Variants in CLSTN2 observed in about 807,000 individuals in gnomAD.
CLSTN2 encodes calsyntenin-2.
CLSTN2 carries 48 observed loss-of-function variants against 101.2 expected under a neutral mutation model. That is an observed-to-expected ratio of 0.47 (90% CI 0.38 to 0.60). The LOEUF (loss-of-function observed/expected upper bound fraction) is 0.60. Among genes scored for constraint, CLSTN2 ranks in the 20% least tolerant of loss-of-function variants. The pLI, the probability that CLSTN2 is intolerant of heterozygous loss-of-function variation, is 0.00. For missense variants in CLSTN2, 1,160 were observed against 1,238.2 expected, an observed-to-expected ratio of 0.94 and a Z score of 0.95; for synonymous variants, 481 against 463.6, an observed-to-expected ratio of 1.04 and a Z score of -0.48.
chr3:140,343,200 C>A (rs2087508753), intron 2 of CLSTN2, among the ~76,000 whole-genome samples: 2 of 152,192 alleles, frequency 1.3e-5, no homozygotes, highest in Non-Finnish European at 2.9e-5. Context: ...TCATTCACCA[C>A]AGAGGCTGCT....
rs563069717 is a variant in CLSTN2 at position 140,365,199 on chromosome 3, A to G, written c.233-38430A>G. On this transcript the variant is annotated intron_variant, in intron 2 of 16. Transcript: ENST00000458420. ...GAAATTGCTGCCGGACTAATATTTC[A>G]TGGAAGGAACTAACAAACTCATGTA... 7.9e-5 allele frequency among the ~76,000 whole-genome samples: 12 copies of G among 152,278 alleles called. No individual in the cohort carries two copies. The East Asian group carries it at 2.1e-3, about 27-fold the overall frequency.
chr3:140,425,249 G>A (rs1374494171), intron 5 of CLSTN2, among the ~76,000 whole-genome samples: 1 of 152,160 alleles, frequency 6.6e-6, no homozygotes, highest in African/African-American at 2.4e-5. Context: ...CTCAGAGCAC[G>A]GAACCCTGCC....
intron 1 of CLSTN2, among the ~76,000 whole-genome samples, chr3:140,076,950 G>A (rs899517323): frequency 3.3e-5 from 5 of 152,042 alleles, no homozygotes; most frequent in African/African-American, 1.2e-4. Context: ...CAATATGCCC[G>A]CCCAGGCACT....
At chr3:140,516,997 T>G (rs1347276204) in intron 8 of CLSTN2, among the ~76,000 whole-genome samples, 1 of 152,194 alleles carries the variant, frequency 6.6e-6, no homozygotes, top group Non-Finnish European at 1.5e-5. Flanking sequence ...TTAACATAAC[T>G]TCTTGGAGAC....
At chr3:140,486,852 C>T (rs963401579) in intron 8 of CLSTN2, among the ~76,000 whole-genome samples, 3 of 152,136 alleles carry the variant, frequency 2.0e-5, no homozygotes, top group Admixed American at 1.3e-4. Context: ...TCCAGAGTTG[C>T]TTATTTGGCA....
chr3:140,385,757 G>A (rs2088045948), intron 2 of CLSTN2, among the ~76,000 whole-genome samples: 1 of 152,044 alleles, frequency 6.6e-6, no homozygotes, highest in Non-Finnish European at 1.5e-5. Flanking sequence ...GCAGGTATGG[G>A]GTTACAGATA....
chr3:140,548,842 G>T (rs1431127872), intron 10 of CLSTN2, among the ~76,000 whole-genome samples: 3 of 152,148 alleles, frequency 2.0e-5, no homozygotes, highest in Non-Finnish European at 4.4e-5. Flanking sequence ...AAGGGAGCAT[G>T]ATCTCAGCAT....
At chr3:140,233,666 T>A (rs1047965910) in intron 2 of CLSTN2, among the ~76,000 whole-genome samples, 2 of 152,240 alleles carry the variant, frequency 1.3e-5, no homozygotes, top group Non-Finnish European at 2.9e-5. Flanking sequence ...CATACTCTTC[T>A]TGACTCTGTT....
intron 2 of CLSTN2, among the ~76,000 whole-genome samples, chr3:140,334,700 A>G (rs1270583820): frequency 6.6e-6 from 1 of 152,240 alleles, no homozygotes; most frequent in Non-Finnish European, 1.5e-5. Flanking sequence ...AGAGCAATCA[A>G]GAAAGCTTCA....
intron 2 of CLSTN2, among the ~76,000 whole-genome samples, chr3:140,279,352 C>T (rs2086824639): frequency 6.6e-6 from 1 of 152,192 alleles, no homozygotes; most frequent in Non-Finnish European, 1.5e-5. Flanking sequence ...GACCAAGGAT[C>T]CTTCTAGGGA....
chr3:140,353,023 T>C (rs2087627431), intron 2 of CLSTN2, among the ~76,000 whole-genome samples: 1 of 152,144 alleles, frequency 6.6e-6, no homozygotes, highest in Non-Finnish European at 1.5e-5. Context: ...CAATATAGCA[T>C]AACAGCTATT....
chr3:140,045,373 C>A (rs1305996291), intron 1 of CLSTN2, among the ~76,000 whole-genome samples: 1 of 151,804 alleles, frequency 6.6e-6, no homozygotes, highest in Non-Finnish European at 1.5e-5. Context: ...TGGTGATATC[C>A]CCTTTATCAT....
intron 8 of CLSTN2, among the ~76,000 whole-genome samples, chr3:140,513,937 T>C (rs1934867430): frequency 6.6e-6 from 1 of 152,170 alleles, no homozygotes; most frequent in Non-Finnish European, 1.5e-5. Flanking sequence ...GGGTCAGTGA[T>C]GATATTCCAC....
At chr3:140,388,137 C>T (rs565025126) in intron 2 of CLSTN2, among the ~76,000 whole-genome samples, 2 of 152,370 alleles carry the variant, frequency 1.3e-5, no homozygotes, top group South Asian at 4.1e-4. Flanking sequence ...AAACCCACTA[C>T]AGGCTGTGTT....
At chr3:140,166,074 GCTGT>G (rs1411321528) in intron 1 of CLSTN2, among the ~76,000 whole-genome samples, 1 of 152,126 alleles carries the variant, frequency 6.6e-6, no homozygotes, top group Admixed American at 6.5e-5. Flanking sequence ...CTGGCAGATG[GCTGT>G]CTCTCATTTA....
At chr3:140,431,209 G>A (rs562550105) in intron 5 of CLSTN2, among the ~76,000 whole-genome samples, 2 of 152,290 alleles carry the variant, frequency 1.3e-5, no homozygotes, top group Non-Finnish European at 2.9e-5. Flanking sequence ...GGGAACCATT[G>A]TCTTGAAGTT....
At chr3:140,281,291 T>G (rs971615468) in intron 2 of CLSTN2, among the ~76,000 whole-genome samples, 1 of 152,224 alleles carries the variant, frequency 6.6e-6, no homozygotes, top group Non-Finnish European at 1.5e-5. Flanking sequence ...GTGGTAGGTA[T>G]GGTGGGAGAT....
At chr3:140,504,937 G>A (rs565097683) in intron 8 of CLSTN2, among the ~76,000 whole-genome samples, 1 of 152,126 alleles carries the variant, frequency 6.6e-6, no homozygotes, top group Admixed American at 6.6e-5. Flanking sequence ...TGAAAATTCC[G>A]CTTGGCAAAT....
chr3:140,042,387 A>G (rs1159438857), intron 1 of CLSTN2, among the ~76,000 whole-genome samples: 3 of 152,136 alleles, frequency 2.0e-5, no homozygotes, highest in Non-Finnish European at 4.4e-5. Flanking sequence ...GGTTTACCAT[A>G]TTGTGGTGTC....
Sources: allele counts gnomAD v4.1 joint callset (sites outside exome capture counted in the v4.1 genomes callset), GRCh38; gene constraint gnomAD v4.1.1; transcripts MANE v1.5; gene names NCBI Gene and HGNC (gene_info 2026-07-23, HGNC 2026-07-21).